SYT16: variants seen among roughly 807,000 people sequenced by gnomAD.
The protein encoded by SYT16 is synaptotagmin 16.
Under a neutral mutation model 61.4 loss-of-function variants are expected in SYT16, and 42 were observed. The ratio of observed to expected loss-of-function variants is 0.68; its 90% CI spans 0.53 to 0.89. The LOEUF (loss-of-function observed/expected upper bound fraction) is 0.89, where lower values mean the gene tolerates loss of function less well. Ranked by LOEUF, SYT16 falls within the 40% of genes least tolerant of loss-of-function variation. SYT16 has a pLI of 0.00. For missense variants in SYT16, 804 were observed against 807.3 expected (o/e 1.00, Z 0.05); for synonymous variants, 314 against 302.3 (o/e 1.04, Z -0.40).
Position 62,045,776 on chromosome 14 carries a change from A to G in SYT16, c.524-23827A>G, listed in dbSNP as rs959432075. Among the ~76,000 whole-genome samples the G allele has an allele frequency of 4.6e-5, 7 of 152,076 alleles. No homozygotes were observed. The South Asian group carries it at 6.2e-4, about 14-fold the overall frequency. ...CTTCATCCATGTCCCTACAAAGGAT[A>G]TGAACTCATCATTTTTTATGGCTGC... On this transcript the variant is annotated intron_variant, in intron 3 of 7. Coordinates refer to ENST00000683842, the MANE Select transcript of SYT16 (RefSeq NM_001367656.1).
intron 1 of SYT16, among the ~76,000 whole-genome samples, chr14:61,900,611 AG>A (rs5809130): frequency 0.87 from 132,733 of 152,078 alleles, 58,062 homozygotes; most frequent in East Asian, 0.98. Context: ...GGAACAATAG[AG>A]GAGGGCCTGC....
chr14:61,886,880 C>CTT (rs371140698), intron 1 of SYT16, among the ~76,000 whole-genome samples: 1,155 of 110,696 alleles, frequency 0.01, 45 homozygotes, highest in African/African-American at 0.032. Flanking sequence ...TTTTTTTTGT[C>CTT]TTTTTTTTTT....
At chr14:61,917,035 G>A (rs1374489133) in intron 1 of SYT16, among the ~76,000 whole-genome samples, 1 of 152,118 alleles carries the variant, frequency 6.6e-6, no homozygotes, top group Non-Finnish European at 1.5e-5. Flanking sequence ...ATTATTAATA[G>A]TGCTGCAATA....
chr14:61,853,468 G>C (rs1304535807), intron 1 of SYT16, among the ~76,000 whole-genome samples: 2 of 152,200 alleles, frequency 1.3e-5, no homozygotes, highest in African/African-American at 2.4e-5. Context: ...ATAAGGTCAT[G>C]AGGGCAGAAC....
intron 7 of SYT16, among the ~76,000 whole-genome samples, chr14:62,089,012 C>A (rs190516182): frequency 4.0e-5 from 6 of 150,634 alleles, no homozygotes; most frequent in Admixed American, 4.0e-4. Flanking sequence ...CTAGATAAAC[C>A]TTGGATCAGA....
intron 1 of SYT16, among the ~76,000 whole-genome samples, chr14:61,931,167 G>C (rs1354622658): frequency 2.6e-5 from 4 of 152,118 alleles, no homozygotes; most frequent in African/African-American, 7.2e-5. Context: ...CCTCCACACT[G>C]TCTATGCAGC....
At chr14:61,921,064 T>G (rs72718510) in intron 1 of SYT16, among the ~76,000 whole-genome samples, 2,175 of 152,332 alleles carry the variant, frequency 0.014, 23 homozygotes, top group Non-Finnish European at 0.022. Flanking sequence ...CACTTCCAGC[T>G]TGGTAGTTTA....
At position 61,848,501 on chromosome 14, in the gene SYT16, T is replaced by C. The variant is rs187238506; in HGVS notation, c.-325+35691T>C. ...ATAAGCACCCCTGTGGCCACCACCA[T>C]TGGGACTCTGATGGTCAGACCTGGA... On this transcript the variant is annotated intron_variant, in intron 1 of 7. Transcript: ENST00000683842. 2.6e-3 allele frequency among the ~76,000 whole-genome samples: 395 copies of C among 152,236 alleles called. 2 individuals are homozygous for C. Among genetic ancestry groups the C allele is most frequent in the South Asian group, 6.8e-3 (33 of 4,826 alleles).
intron 1 of SYT16, among the ~76,000 whole-genome samples, chr14:61,925,252 T>C (rs2049489784): frequency 6.6e-6 from 1 of 152,224 alleles, no homozygotes; most frequent in Admixed American, 6.5e-5. Context: ...TCCTTTCAGC[T>C]ATTTACACCT....
At chr14:61,843,908 A>C (rs1194691253) in intron 1 of SYT16, among the ~76,000 whole-genome samples, 1 of 152,070 alleles carries the variant, frequency 6.6e-6, no homozygotes, top group Non-Finnish European at 1.5e-5. Context: ...GTTCCATATA[A>C]ATTTTAGGAT....
intron 1 of SYT16, among the ~76,000 whole-genome samples, chr14:61,890,055 G>A (rs1355945113): frequency 2.6e-5 from 4 of 152,136 alleles, no homozygotes; most frequent in South Asian, 4.1e-4. Context: ...TTTATAAGTC[G>A]AGAAAGATCA....
Position 61,893,844 on chromosome 14 carries a change from C to T in SYT16, c.-324-76288C>T, listed in dbSNP as rs559318123. ...AGCTGGAGGTAGGTCCCATGTCCCC[C>T]GATTCTGCATCTTCTGATTCCGCAT... On this transcript the variant is annotated intron_variant, in intron 1 of 7. Transcript: ENST00000683842. 4.0e-4 allele frequency among the ~76,000 whole-genome samples: 61 copies of T among 152,322 alleles called. No individual in the cohort carries two copies. In the South Asian group the frequency reaches 7.2e-3, roughly 18 times the overall value.
At chr14:61,902,064 G>A (rs534849677) in intron 1 of SYT16, among the ~76,000 whole-genome samples, 70 of 152,206 alleles carry the variant, frequency 4.6e-4, no homozygotes, top group African/African-American at 1.5e-3. Flanking sequence ...TTCCAGACCT[G>A]CTTATAATTA....
Position 62,034,893 on chromosome 14 carries a change from C to T in SYT16, c.524-34710C>T, listed in dbSNP as rs899681022. 2.6e-5 allele frequency among the ~76,000 whole-genome samples: 4 copies of T among 152,136 alleles called. No individual in the cohort carries two copies. In the South Asian group the frequency reaches 8.3e-4, roughly 31 times the overall value. On this transcript the variant is annotated intron_variant, in intron 3 of 7. Coordinates refer to ENST00000683842, the MANE Select transcript of SYT16 (RefSeq NM_001367656.1). ...TAAAGCTGTTTTTTAAAAAAGGCTT[C>T]CTCACAAACAAAACAAAAACTGTTC...
intron 1 of SYT16, among the ~76,000 whole-genome samples, chr14:61,899,594 C>T (rs1361505480): frequency 6.6e-6 from 1 of 152,124 alleles, no homozygotes; most frequent in Non-Finnish European, 1.5e-5. Context: ...AATGTAGCAT[C>T]ATGAGCTTTG....
intron 1 of SYT16, among the ~76,000 whole-genome samples, chr14:61,886,471 G>GTCA (rs2047904863): frequency 6.6e-6 from 1 of 152,148 alleles, no homozygotes; most frequent in African/African-American, 2.4e-5. Flanking sequence ...ATCGTTTGTT[G>GTCA]TCACTTCAGC....
At chr14:61,907,416 A>G (rs1399622362) in intron 1 of SYT16, among the ~76,000 whole-genome samples, 1 of 152,230 alleles carries the variant, frequency 6.6e-6, no homozygotes, top group African/African-American at 2.4e-5. Context: ...GCAGCTTAAA[A>G]TAACTTTTAT....
chr14:61,934,231 A>C lies in SYT16; in HGVS notation c.-324-35901A>C, dbSNP rs370986066. Among the ~76,000 whole-genome samples the C allele has an allele frequency of 4.6e-5, 7 of 152,238 alleles. No homozygotes were observed. In the East Asian group the frequency reaches 1.2e-3, roughly 25 times the overall value. On this transcript the variant is annotated intron_variant, in intron 1 of 7. Coordinates refer to ENST00000683842, the MANE Select transcript of SYT16 (RefSeq NM_001367656.1). ...CAACCTTTCTTTCATTTTGACATTT[A>C]GTTGATTTCTATTTTTCTATTTCTT... is the stretch of plus-strand genomic sequence containing the variant.
chr14:61,961,284 G>A lies in SYT16; in HGVS notation c.-324-8848G>A, dbSNP rs540003110. On this transcript the variant is annotated intron_variant, in intron 1 of 7. Coordinates refer to ENST00000683842, the MANE Select transcript of SYT16 (RefSeq NM_001367656.1). ...ATTGACACCTGGGACCTAATTAAAG[G>A]AAAGAGCTTCTGCACAGCAAAGGAA... Among the ~76,000 whole-genome samples, 5 of 152,112 alleles carry A rather than the reference G, an allele frequency of 3.3e-5. No individual in the cohort carries two copies. The South Asian group carries it at 1.0e-3, about 32-fold the overall frequency.
Sources: gnomAD v4.1 joint callset for allele counts (sites outside exome capture counted in the v4.1 genomes callset) on GRCh38, gnomAD v4.1.1 for gene constraint, MANE v1.5 for transcripts, NCBI Gene and HGNC (gene_info 2026-07-23, HGNC 2026-07-21) for gene names.